SNX27: variants seen among roughly 807,000 people sequenced by gnomAD.
The protein encoded by SNX27 is sorting nexin 27.
A neutral mutation model predicts 71.6 loss-of-function variants in SNX27; 22 were observed. The ratio of observed to expected loss-of-function variants is 0.31; its 90% CI spans 0.22 to 0.44. The LOEUF (loss-of-function observed/expected upper bound fraction) is 0.44, where lower values mean the gene tolerates loss of function less well. Ranked by LOEUF, SNX27 falls within the 20% of genes least tolerant of loss-of-function variation. SNX27 has a pLI of 1.00. For missense variants in SNX27, 531 were observed against 698.6 expected (o/e 0.76, Z 2.70); for synonymous variants, 269 against 277.2 (o/e 0.97, Z 0.29).
Position 151,612,325 on chromosome 1 carries a change from C to T in SNX27, c.124C>T (p.Arg42Trp). The T allele has an allele frequency of 1.3e-6, 2 of 1,527,740 alleles. No individual in the cohort carries two copies. The highest frequency in any genetic ancestry group is 1.8e-6 in the Non-Finnish European group (2 of 1,142,370). The allele number at this position is 1,527,740 out of a possible 1,614,324, so 94.6% of individuals were successfully genotyped here. A position where few individuals can be genotyped will look rare whatever the true frequency, so the allele number is the denominator to read the frequency against. The change falls in exon 1 of 12, where the codon CGG becomes TGG. Residue 42 changes from arginine (R) to tryptophan (W), a missense_variant. By Grantham distance (101) the Arg-to-Trp change is moderately radical. This residue lies in a region of SNX27 where 130 missense variants were observed against 143.5 expected (regional missense o/e 0.91). Transcript: ENST00000458013. This position sits in a 1 kb window ranked among gnomAD's most constrained non-coding sequence, Gnocchi z 5.2. Reference sequence around the variant, plus strand: ...CGGCGGCGGGGGAGGCGGCGGCCCGCGGGTCGTGCGCATCGTCAAGTCCGA... The same window carrying T: ...CGGCGGCGGGGGAGGCGGCGGCCCGTGGGTCGTGCGCATCGTCAAGTCCGA... ...GNGGGGGGGP[R>W]VVRIVKSESG...
intron 8 of SNX27, among the ~76,000 whole-genome samples, chr1:151,691,761 G>A (rs546790112): frequency 6.6e-6 from 1 of 152,024 alleles, no homozygotes. Flanking sequence ...TGATCCACCC[G>A]CCTCGGCCTC....
At chr1:151,617,216 AATC>A (rs1451436327) in intron 1 of SNX27, among the ~76,000 whole-genome samples, 1 of 152,168 alleles carries the variant, frequency 6.6e-6, no homozygotes, top group Non-Finnish European at 1.5e-5. Flanking sequence ...TAGTTATAAT[AATC>A]ATTTTACTGC....
At chr1:151,648,042 T>C (rs1002167583) in intron 2 of SNX27, among the ~76,000 whole-genome samples, 1 of 151,952 alleles carries the variant, frequency 6.6e-6, no homozygotes, top group Non-Finnish European at 1.5e-5. Context: ...GTCGGGGTTT[T>C]TTTGTTTTTT....
intron 6 of SNX27, chr1:151,666,262 C>A: frequency 9.5e-6 from 3 of 314,258 alleles, no homozygotes; most frequent in Non-Finnish European, 1.7e-5. Flanking sequence ...TCTTTTAAAT[C>A]TGAGGTTCAA....
chr1:151,681,235 C>CTTTTTTTTT lies in SNX27; in HGVS notation c.1150-2105_1150-2097dup, dbSNP rs762924986. Reference sequence around the variant, plus strand: ...CTAGAAGTTGAATTAGTCTCTCAATCTTTTTTTTTTTTTTTTTTTTTTTTG... The same window carrying CTTTTTTTTT: ...CTAGAAGTTGAATTAGTCTCTCAATCTTTTTTTTTTTTTTTTTTTTTTTTTTTTTTTTTG... On this transcript the variant is annotated intron_variant, in intron 7 of 11. Transcript: ENST00000458013. Among the ~76,000 whole-genome samples, 75 of 60,696 alleles carry CTTTTTTTTT rather than the reference C, an allele frequency of 1.2e-3. 2 individuals are homozygous for CTTTTTTTTT. Among genetic ancestry groups the CTTTTTTTTT allele is most frequent in the African/African-American group, 1.9e-3 (30 of 15,714 alleles). 39.8% of individuals were successfully genotyped at this position (60,696 alleles called of 152,430 possible).
intron 2 of SNX27, among the ~76,000 whole-genome samples, chr1:151,655,695 G>T (rs1253482949): frequency 6.6e-6 from 1 of 152,182 alleles, no homozygotes; most frequent in African/African-American, 2.4e-5. Context: ...TCTGAAAATA[G>T]TTGTTGCCTA....
chr1:151,639,018 G>T lies in SNX27; in HGVS notation c.442G>T (p.Asp148Tyr). The T allele has an allele frequency of 1.2e-6, 2 of 1,614,050 alleles. No individual in the cohort carries two copies. The highest frequency in any genetic ancestry group is 1.7e-6 in the Non-Finnish European group (2 of 1,180,020). ...HEADNLDPSD[D>Y]SLGQSFYDYT... ...GGCAGATAACCTAGATCCCAGTGAC[G>T]ACTCGTTGGGACAATCATTTTATGA... The change falls in exon 2 of 12, where the codon GAC (aspartate) becomes TAC (tyrosine). Residue 148 changes from aspartate to tyrosine, a missense_variant. Physicochemically the swap from Asp to Tyr is radical, Grantham distance 160. This residue lies in a region of SNX27 where 47 missense variants were observed against 41.4 expected (regional missense o/e 1.13). Transcript: ENST00000458013.
At chr1:151,639,183 GA>G in intron 2 of SNX27, 64 bp downstream of exon 2, 1 of 1,421,752 alleles carries the variant, frequency 7.0e-7, no homozygotes. Context: ...TTATAATTAT[GA>G]AACTATTATA....
rs139549913 is a variant in SNX27 at position 151,638,795 on chromosome 1, G to A, written c.312-93G>A. 5.3e-5 allele frequency: 59 copies of A among 1,112,866 alleles called. No homozygotes were observed. In the African/African-American group the frequency reaches 7.2e-4, roughly 14 times the overall value. 68.9% of individuals were successfully genotyped at this position (1,112,866 alleles called of 1,614,324 possible). A position where few individuals can be genotyped will look rare whatever the true frequency, so the allele number is the denominator to read the frequency against. ...ATCTTTTGACTTCATGGTTCATACC[G>A]TGTGACACTGGAGTTTGGGCAGGAG... On this transcript the variant is annotated intron_variant, in intron 1 of 11. Transcript: ENST00000458013.
intron 1 of SNX27, among the ~76,000 whole-genome samples, chr1:151,637,640 C>G (rs561587791): frequency 6.6e-6 from 1 of 152,178 alleles, no homozygotes; most frequent in Non-Finnish European, 1.5e-5. Flanking sequence ...GTCAGGAGTG[C>G]TGAATTTACT....
chr1:151,665,025 G>A (rs1385973683), intron 5 of SNX27, among the ~76,000 whole-genome samples: 1 of 152,156 alleles, frequency 6.6e-6, no homozygotes, highest in African/African-American at 2.4e-5. Context: ...GGCCTCATAT[G>A]TGAGCAGATA....
intron 1 of SNX27, among the ~76,000 whole-genome samples, chr1:151,623,299 C>G (rs1667763507): frequency 6.6e-6 from 1 of 152,198 alleles, no homozygotes; most frequent in Non-Finnish European, 1.5e-5. Context: ...GGCCACCATA[C>G]TTGGCTAATT....
At chr1:151,620,642 G>A (rs1378747640) in intron 1 of SNX27, among the ~76,000 whole-genome samples, 2 of 149,608 alleles carry the variant, frequency 1.3e-5, no homozygotes, top group African/African-American at 2.5e-5. Flanking sequence ...CTACAAGCCT[G>A]TTGTGTTCTA....
chr1:151,674,639 G>C (rs1042718022), intron 7 of SNX27, among the ~76,000 whole-genome samples: 5 of 151,566 alleles, frequency 3.3e-5, no homozygotes, highest in Admixed American at 6.6e-5. Context: ...ATTGAAGAGG[G>C]CAGTCATCTG....
chr1:151,625,505 C>CAA, intron 1 of SNX27, among the ~76,000 whole-genome samples: 1 of 125,840 alleles, frequency 7.9e-6, no homozygotes, highest in African/African-American at 3.0e-5. Flanking sequence ...GACTCTGTCT[C>CAA]AAAAAAAAAA....
At chr1:151,669,029 C>T (rs1472729823) in intron 7 of SNX27, 1 of 152,196 alleles carries the variant, frequency 6.6e-6, no homozygotes, top group African/African-American at 2.4e-5. Context: ...TAGGCAACCA[C>T]CTTCACCTCT....
intron 1 of SNX27, among the ~76,000 whole-genome samples, chr1:151,623,030 T>C (rs1415073011): frequency 1.3e-5 from 2 of 152,128 alleles, no homozygotes; most frequent in East Asian, 1.9e-4. Context: ...TGGAGTGCAG[T>C]GGTATGATCT....
chr1:151,626,660 C>CCA (rs1454302994), intron 1 of SNX27, among the ~76,000 whole-genome samples: 2 of 152,050 alleles, frequency 1.3e-5, no homozygotes, highest in South Asian at 2.1e-4. Flanking sequence ...CAAGATCGTG[C>CCA]CACTGCACTC....
chr1:151,623,265 C>T (rs111387958), intron 1 of SNX27, among the ~76,000 whole-genome samples: 3,516 of 152,226 alleles, frequency 0.023, 129 homozygotes, highest in African/African-American at 0.079. Flanking sequence ...CTCAGCCTCC[C>T]GAGTAGCTGG....
Sources: allele counts gnomAD v4.1 joint callset (sites outside exome capture counted in the v4.1 genomes callset), GRCh38; gene constraint gnomAD v4.1.1; regional missense constraint gnomAD v4.1.1; non-coding constraint Gnocchi (gnomAD v3.1); transcripts MANE v1.5; gene names NCBI Gene and HGNC (gene_info 2026-07-23, HGNC 2026-07-21).